The following MED13L variants were observed in gnomAD, a reference collection of about 807,000 sequenced individuals.
MED13L encodes mediator of RNA polymerase II transcription subunit 13-like.
MED13L carries 7 observed loss-of-function variants against 220.9 expected under a neutral mutation model. The observed-to-expected ratio is 0.03, with a 90% CI of 0.02 to 0.06. The LOEUF (loss-of-function observed/expected upper bound fraction) is 0.06. Ranked by LOEUF, MED13L falls within the 10% of genes least tolerant of loss-of-function variation. The pLI is 1.00. For missense variants in MED13L, 1,965 were observed against 2,760.5 expected, an observed-to-expected ratio of 0.71 and a Z score of 6.46; for synonymous variants, 1,011 against 1,015.2, an observed-to-expected ratio of 1.00 and a Z score of 0.08.
At chr12:116,127,838 T>C (rs143735843) in intron 2 of MED13L, among the ~76,000 whole-genome samples, 49 of 152,342 alleles carry the variant, frequency 3.2e-4, no homozygotes, top group African/African-American at 1.2e-3. Flanking sequence ...CTTATTTTAA[T>C]GGCTTCTCAT....
intron 2 of MED13L, among the ~76,000 whole-genome samples, chr12:116,142,968 G>C (rs555187216): frequency 6.6e-6 from 1 of 152,220 alleles, no homozygotes; most frequent in East Asian, 1.9e-4. Context: ...ACTGACTTTT[G>C]TTTTATCTTA....
rs927504372 is a variant in MED13L at position 116,032,625 on chromosome 12, C to G, written c.480-10024G>C. Among the ~76,000 whole-genome samples, 25 of 152,180 alleles carry G rather than the reference C, an allele frequency of 1.6e-4. 1 individual carries two copies. Among genetic ancestry groups the G allele is most frequent in the Non-Finnish European group, 1.3e-4 (9 of 68,040 alleles). On this transcript the variant is annotated intron_variant, in intron 4 of 30. Transcript: ENST00000281928. ...CCTTTCAGATACCGACATGGCTCCT[C>G]TCTTTACTTCTTACAAGTTTTCCTT...
At chr12:116,162,424 T>G (rs1878957529) in intron 2 of MED13L, among the ~76,000 whole-genome samples, 1 of 151,964 alleles carries the variant, frequency 6.6e-6, no homozygotes, top group African/African-American at 2.4e-5. Context: ...GACACAAGAG[T>G]AAAAGTGGAT....
At chr12:116,176,015 A>G (rs868180217) in intron 2 of MED13L, among the ~76,000 whole-genome samples, 1 of 152,358 alleles carries the variant, frequency 6.6e-6, no homozygotes, top group Middle Eastern at 3.4e-3. Flanking sequence ...GATCCCAGAC[A>G]GGCAACCAGG....
At chr12:116,187,761 T>C (rs917679930) in intron 2 of MED13L, among the ~76,000 whole-genome samples, 1 of 152,040 alleles carries the variant, frequency 6.6e-6, no homozygotes, top group African/African-American at 2.4e-5. Flanking sequence ...ATGCAAACTA[T>C]TAAGAGCTCC....
At chr12:116,119,299 G>C (rs1874796855) in intron 2 of MED13L, among the ~76,000 whole-genome samples, 1 of 152,118 alleles carries the variant, frequency 6.6e-6, no homozygotes, top group South Asian at 2.1e-4. Context: ...ATATCTTTCT[G>C]ACAGCTCTAG....
chr12:116,159,760 T>C (rs1878720593), intron 2 of MED13L, among the ~76,000 whole-genome samples: 1 of 150,754 alleles, frequency 6.6e-6, no homozygotes, highest in Admixed American at 6.6e-5. Flanking sequence ...ACAGATCATA[T>C]CAGCCACATC....
rs915093199 is a variant in MED13L at position 116,061,573 on chromosome 12, C to T, written c.479+35096G>A. ...GATAACCTTCAGGACATGATAGTTA[C>T]TAAAATTAAGTACAGTCTCCACCAC... On this transcript the variant is annotated intron_variant, in intron 4 of 30. Coordinates refer to ENST00000281928, the MANE Select transcript of MED13L (RefSeq NM_015335.5). Among the ~76,000 whole-genome samples the T allele has an allele frequency of 2.6e-5, 4 of 152,022 alleles. No homozygotes were observed. The South Asian group carries it at 8.3e-4, about 32-fold the overall frequency.
intron 14 of MED13L, among the ~76,000 whole-genome samples, chr12:116,000,061 C>CAA (rs1192514579): frequency 6.6e-6 from 1 of 152,128 alleles, no homozygotes; most frequent in Non-Finnish European, 1.5e-5. Flanking sequence ...CACTTTGCTG[C>CAA]AAACATCTAA....
At chr12:116,179,690 CT>C (rs11431574) in intron 2 of MED13L, among the ~76,000 whole-genome samples, 1,681 of 148,346 alleles carry the variant, frequency 0.011, 19 homozygotes, top group Non-Finnish European at 0.015. Context: ...AGTGAATAAC[CT>C]TTTTTTTTTT....
At chr12:116,276,747 G>C (rs1873882718) in intron 1 of MED13L, 4 of 1,274,816 alleles carry the variant, frequency 3.1e-6, no homozygotes, top group Non-Finnish European at 4.0e-6. Flanking sequence ...AGGAGAAGGG[G>C]AGTGCGATTG....
chr12:115,982,047 T>G, intron 22 of MED13L: 16 of 259,690 alleles, frequency 6.2e-5, no homozygotes, highest in Admixed American at 1.0e-4. Flanking sequence ...TCAGACCTCA[T>G]GTGATGTATT....
At chr12:116,188,873 T>G (rs1287440960) in intron 2 of MED13L, among the ~76,000 whole-genome samples, 2 of 152,316 alleles carry the variant, frequency 1.3e-5, no homozygotes, top group Admixed American at 1.3e-4. Flanking sequence ...TTCTGGAGAT[T>G]TATCCAGGTT....
intron 2 of MED13L, among the ~76,000 whole-genome samples, chr12:116,181,744 A>T (rs1015143917): frequency 1.3e-5 from 2 of 152,118 alleles, no homozygotes; most frequent in African/African-American, 4.8e-5. Flanking sequence ...ACCTTAGGTG[A>T]TCTGCCCACC....
At chr12:116,123,192 TTGAG>T (rs1381806372) in intron 2 of MED13L, among the ~76,000 whole-genome samples, 7 of 152,308 alleles carry the variant, frequency 4.6e-5, no homozygotes, top group Admixed American at 3.3e-4. Flanking sequence ...CTTTACCTCT[TTGAG>T]TATTTTCCAG....
At chr12:116,210,189 T>A (rs1882602392) in intron 2 of MED13L, among the ~76,000 whole-genome samples, 1 of 152,150 alleles carries the variant, frequency 6.6e-6, no homozygotes, top group Non-Finnish European at 1.5e-5. Flanking sequence ...TTCTAATCAC[T>A]ACAACAGTAC....
chr12:116,006,512 A>G, intron 11 of MED13L, 101 bp from the exon 12 acceptor site: 2 of 910,022 alleles, frequency 2.2e-6, no homozygotes, highest in Non-Finnish European at 3.6e-6. Context: ...GGAACTTGTT[A>G]TGAGCACAAG....
chr12:115,978,904 C>T (rs1480344922), intron 23 of MED13L, among the ~76,000 whole-genome samples: 1 of 152,146 alleles, frequency 6.6e-6, no homozygotes, highest in Non-Finnish European at 1.5e-5. Flanking sequence ...ACTATAAATT[C>T]TTTCACATGT....
intron 4 of MED13L, among the ~76,000 whole-genome samples, chr12:116,085,597 T>C (rs1024645098): frequency 2.0e-5 from 3 of 152,158 alleles, no homozygotes; most frequent in African/African-American, 4.8e-5. Context: ...CTGGGAATTA[T>C]AGATCCTGAG....
Sources: gnomAD v4.1 joint callset for allele counts (sites outside exome capture counted in the v4.1 genomes callset) on GRCh38, gnomAD v4.1.1 for gene constraint, MANE v1.5 for transcripts, NCBI Gene and HGNC (gene_info 2026-07-23, HGNC 2026-07-21) for gene names.